Variants in SPTLC2 observed in about 807,000 individuals in gnomAD.
SPTLC2 encodes serine palmitoyltransferase 2.
In SPTLC2, 21 loss-of-function variants were observed where a neutral mutation model predicts 62.0. That is an observed-to-expected ratio of 0.34 (90% CI 0.24 to 0.49). The LOEUF (loss-of-function observed/expected upper bound fraction) is 0.49. Ranked by LOEUF, SPTLC2 falls within the 20% of genes least tolerant of loss-of-function variation. The pLI is 0.99. For missense variants in SPTLC2, 511 were observed against 713.0 expected, an observed-to-expected ratio of 0.72 and a Z score of 3.23; for synonymous variants, 261 against 261.8, an observed-to-expected ratio of 1.00 and a Z score of 0.03.
At position 77,511,119 on chromosome 14, in the gene SPTLC2, T is replaced by G. The variant is rs1045256735; in HGVS notation, c.*1165A>C. 3.3e-5 allele frequency: 5 copies of G among 152,170 alleles called. No individual in the cohort carries two copies. Among genetic ancestry groups the G allele is most frequent in the Non-Finnish European group, 7.3e-5 (5 of 68,036 alleles). The allele number at this position is 152,170 out of a possible 1,614,324, so 9.4% of individuals were successfully genotyped here. On this transcript the variant is annotated 3_prime_UTR_variant, in exon 12 of 12. Transcript: ENST00000216484. ...GCAGACCCTAGCCCCAGATGCCAGATTCAATTGACTTAGGACATCAAGAAT... is the reference window on the plus strand; with the variant it reads ...GCAGACCCTAGCCCCAGATGCCAGAGTCAATTGACTTAGGACATCAAGAAT...
At chr14:77,605,326 C>T (rs1363628087) in intron 1 of SPTLC2, among the ~76,000 whole-genome samples, 3 of 152,050 alleles carry the variant, frequency 2.0e-5, no homozygotes, top group African/African-American at 7.2e-5. Context: ...CAAACTTATT[C>T]TTATGTCATG....
intron 9 of SPTLC2, among the ~76,000 whole-genome samples, chr14:77,527,095 CTTT>C (rs11342711): frequency 7.3e-5 from 10 of 136,922 alleles, no homozygotes; most frequent in African/African-American, 8.2e-5. Context: ...CGCCCGGCCT[CTTT>C]TTTTTTTTTT....
At chr14:77,554,361 GA>G (rs2079571581) in intron 8 of SPTLC2, among the ~76,000 whole-genome samples, 1 of 152,156 alleles carries the variant, frequency 6.6e-6, no homozygotes, top group African/African-American at 2.4e-5. Flanking sequence ...ACTAATTTTA[GA>G]ACATTTCCAT....
At position 77,555,202 on chromosome 14, in the gene SPTLC2, G is replaced by A. The variant is rs117989420; in HGVS notation, c.1176+98C>T. 18,692 of 1,438,256 alleles carry A rather than the reference G, an allele frequency of 0.013. 156 individuals carry two copies. The highest frequency in any genetic ancestry group is 0.015 in the Non-Finnish European group (15,206 of 1,027,986). The allele number at this position is 1,438,256 out of a possible 1,614,324, so 89.1% of individuals were successfully genotyped here. ...GAGCCTAAACCAGAGGCAAATTTGCGGACATCCCAGTTCAGGGCCCCATCT... is the reference window on the plus strand; with the variant it reads ...GAGCCTAAACCAGAGGCAAATTTGCAGACATCCCAGTTCAGGGCCCCATCT... On this transcript the variant is annotated intron_variant, in intron 8 of 11. Coordinates refer to ENST00000216484, the MANE Select transcript of SPTLC2 (RefSeq NM_004863.4).
intron 9 of SPTLC2, among the ~76,000 whole-genome samples, chr14:77,532,983 A>T (rs1023664387): frequency 3.3e-5 from 5 of 152,014 alleles, no homozygotes; most frequent in Non-Finnish European, 7.4e-5. Context: ...GTTAACAGAA[A>T]AGGTCAGTTT....
chr14:77,613,635 T>C (rs763307279), intron 1 of SPTLC2, among the ~76,000 whole-genome samples: 1 of 152,244 alleles, frequency 6.6e-6, no homozygotes, highest in Non-Finnish European at 1.5e-5. Flanking sequence ...CCTAGACGTT[T>C]CTGACTTCTC....
intron 2 of SPTLC2, among the ~76,000 whole-genome samples, chr14:77,592,095 C>G (rs1167657454): frequency 6.6e-6 from 1 of 151,526 alleles, no homozygotes; most frequent in African/African-American, 2.4e-5. Flanking sequence ...AATCCCCTAG[C>G]TTAATGCACC....
intron 1 of SPTLC2, among the ~76,000 whole-genome samples, chr14:77,604,639 G>A (rs1162034005): frequency 3.3e-5 from 5 of 151,986 alleles, no homozygotes; most frequent in African/African-American, 4.8e-5. Flanking sequence ...AGGCCAAGGC[G>A]GGCGGATCAC....
chr14:77,614,247 T>C (rs559230540), intron 1 of SPTLC2, among the ~76,000 whole-genome samples: 1 of 152,366 alleles, frequency 6.6e-6, no homozygotes, highest in South Asian at 2.1e-4. Context: ...TTAGAGATTA[T>C]GGGAGAAAGG....
intron 1 of SPTLC2, among the ~76,000 whole-genome samples, chr14:77,601,716 C>T (rs974617102): frequency 2.0e-4 from 31 of 152,348 alleles, no homozygotes; most frequent in Admixed American, 1.3e-3. Context: ...GATTTTAAAT[C>T]GGGTAAGCGG....
chr14:77,557,334 T>C (rs969418449), intron 6 of SPTLC2, 188 bp from the exon 7 acceptor site: 6 of 603,344 alleles, frequency 9.9e-6, no homozygotes, highest in Non-Finnish European at 1.8e-5. Context: ...ATCCAAAATG[T>C]AACAAATGTT....
chr14:77,606,724 C>T (rs529103462), intron 1 of SPTLC2, among the ~76,000 whole-genome samples: 5 of 152,026 alleles, frequency 3.3e-5, no homozygotes, highest in African/African-American at 1.2e-4. Flanking sequence ...CAGGAGCTCA[C>T]GCCTGTAATC....
In SPTLC2 at chr14:77,518,130, C is replaced by G; in HGVS notation, c.1477G>C (p.Val493Leu). The G allele has an allele frequency of 6.2e-7, 1 of 1,614,144 alleles. No homozygotes were observed. Among genetic ancestry groups the G allele is most frequent in the Non-Finnish European group, 8.5e-7 (1 of 1,180,030 alleles). Reference sequence around the variant, plus strand: ...GTGGCAGGAAATCCAACCACAACGACACCGATGTTCCGCTTCAGCATCTCC... The same window carrying G: ...GTGGCAGGAAATCCAACCACAACGAGACCGATGTTCCGCTTCAGCATCTCC... The part of the protein sequence containing the change: ...GREMLKRNIG[V>L]VVVGFPATPI... The change falls in exon 11 of 12, where the codon GTC (valine) becomes CTC (leucine). Residue 493 changes from valine (V) to leucine (L), a missense_variant. Physicochemically the swap from Val to Leu is conservative, Grantham distance 32. Coordinates refer to ENST00000216484, the MANE Select transcript of SPTLC2 (RefSeq NM_004863.4).
At chr14:77,517,410 T>C (rs936271328) in intron 11 of SPTLC2, among the ~76,000 whole-genome samples, 1 of 152,180 alleles carries the variant, frequency 6.6e-6, no homozygotes, top group Non-Finnish European at 1.5e-5. Flanking sequence ...AGAGAATATA[T>C]AGAGATGAGA....
intron 1 of SPTLC2, among the ~76,000 whole-genome samples, chr14:77,611,526 A>G (rs1023737992): frequency 1.3e-5 from 2 of 151,980 alleles, no homozygotes; most frequent in South Asian, 2.1e-4. Flanking sequence ...AATAGACCAC[A>G]TTAAAAAACA....
intron 6 of SPTLC2, among the ~76,000 whole-genome samples, chr14:77,559,689 A>G (rs951138918): frequency 1.3e-5 from 2 of 152,226 alleles, no homozygotes; most frequent in East Asian, 3.8e-4. Context: ...TAAGAGTTCA[A>G]GACCAACCTG....
chr14:77,605,071 G>A (rs185705571), intron 1 of SPTLC2, among the ~76,000 whole-genome samples: 9 of 152,218 alleles, frequency 5.9e-5, no homozygotes, highest in Admixed American at 5.9e-4. Context: ...GAGTAGAGTG[G>A]CGTAACCATA....
chr14:77,540,620 G>A (rs1032316044), intron 9 of SPTLC2, among the ~76,000 whole-genome samples: 1 of 151,980 alleles, frequency 6.6e-6, no homozygotes, highest in African/African-American at 2.4e-5. Flanking sequence ...GACTACAGAC[G>A]GCCGCCACCA....
chr14:77,567,512 G>C (rs1048999654), intron 5 of SPTLC2, among the ~76,000 whole-genome samples: 15 of 152,206 alleles, frequency 9.9e-5, no homozygotes, highest in African/African-American at 3.6e-4. Context: ...TTTTATCTAA[G>C]TTGTTGAATA....
Sources: gnomAD v4.1 joint callset for allele counts (sites outside exome capture counted in the v4.1 genomes callset) on GRCh38, gnomAD v4.1.1 for gene constraint, MANE v1.5 for transcripts, NCBI Gene and HGNC (gene_info 2026-07-23, HGNC 2026-07-21) for gene names.